The following CYP26C1 variants were observed in gnomAD, a reference collection of about 807,000 sequenced individuals.
The protein encoded by CYP26C1 is cytochrome P450 26C1.
CYP26C1 carries 41 observed loss-of-function variants against 39.1 expected under a neutral mutation model. That is an observed-to-expected ratio of 1.05 (90% CI 0.82 to 1.36). The LOEUF (loss-of-function observed/expected upper bound fraction) is 1.36, where lower values mean the gene tolerates loss of function less well. Ranked by LOEUF, CYP26C1 falls within the 40% of genes most tolerant of loss-of-function variation. The pLI is 0.00. For synonymous variants in CYP26C1, 362 were observed against 350.8 expected (o/e 1.03, Z -0.36); for missense variants, 833 against 752.0 (o/e 1.11, Z -1.26).
intron 5 of CYP26C1, among the ~76,000 whole-genome samples, chr10:93,068,011 G>T (rs1846848292): frequency 1.3e-5 from 2 of 152,184 alleles, no homozygotes; most frequent in Non-Finnish European, 1.5e-5. Flanking sequence ...AATAGTTACC[G>T]TTTACTGAAC....
At chr10:93,065,155 A>G (rs1355847632) in intron 4 of CYP26C1, among the ~76,000 whole-genome samples, 1 of 152,134 alleles carries the variant, frequency 6.6e-6, no homozygotes, top group Admixed American at 6.5e-5. Flanking sequence ...GGAGTGGAGA[A>G]GTTAGGGGGA....
chr10:93,062,326 A>C, intron 2 of CYP26C1, 92 bp downstream of exon 2: 2 of 1,316,378 alleles, frequency 1.5e-6, no homozygotes, highest in Non-Finnish European at 2.0e-6. Flanking sequence ...TGTTGGATAC[A>C]CTGTGAACCC....
Position 93,062,744 on chromosome 10 carries a change from GC to G in CYP26C1, c.456del (p.Ala153ArgfsTer117). ...RKVLARVFSR[A>X]ALERYVPRLQ... is the part of the protein sequence containing the mutation. ...GGTCCTGGCGCGCGTGTTCAGCCGC[GC>G]CGCGCTGGAGCGCTACGTGCCGCGC... On this transcript the variant is annotated frameshift_variant, in exon 3 of 6. Transcript: ENST00000651965. LOFTEE classifies it high-confidence loss of function. 1 of 1,444,684 alleles carries G rather than the reference GC, an allele frequency of 6.9e-7. No individual in the cohort carries two copies. Among genetic ancestry groups the G allele is most frequent in the Non-Finnish European group, 9.0e-7 (1 of 1,110,006 alleles). The allele number at this position is 1,444,684 out of a possible 1,614,324, so 89.5% of individuals were successfully genotyped here.
chr10:93,068,600 C>T lies in CYP26C1; in HGVS notation c.1472C>T (p.Ala491Val). The change falls in exon 6 of 6, where the codon GCC becomes GTC. Residue 491 changes from alanine to valine, a missense_variant. Ala to Val is a moderately conservative substitution (Grantham distance 64, BLOSUM62 0). Coordinates refer to ENST00000651965, the MANE Select transcript of CYP26C1 (RefSeq NM_183374.3). ...RWELATPAFP[A>V]MQTVPIVHPV... ...GAACTGGCCACACCCGCCTTCCCCG[C>T]CATGCAGACGGTGCCCATCGTGCAC... The T allele has an allele frequency of 6.3e-7, 1 of 1,599,588 alleles. No individual in the cohort carries two copies. The highest frequency in any genetic ancestry group is 1.8e-4 in the Middle Eastern group (1 of 5,668).
At position 93,066,191 on chromosome 10, in the gene CYP26C1, T is replaced by G; in HGVS notation, c.1097T>G (p.Leu366Arg). The G allele has an allele frequency of 2.0e-6, 3 of 1,465,978 alleles. No homozygotes were observed. The highest frequency in any genetic ancestry group is 2.7e-6 in the Non-Finnish European group (3 of 1,110,300). The allele number at this position is 1,465,978 out of a possible 1,614,324, so 90.8% of individuals were successfully genotyped here. A position where few individuals can be genotyped will look rare whatever the true frequency, so the allele number is the denominator to read the frequency against. Residue 366 changes from leucine (L) to arginine (R), a missense_variant, in exon 5 of 6, where the codon CTG (leucine) becomes CGG (arginine). Physicochemically the swap from Leu to Arg is moderately radical, Grantham distance 102. Coordinates refer to ENST00000651965, the MANE Select transcript of CYP26C1 (RefSeq NM_183374.3). ...PDLSLAALGR[L>R]RYVDCVVKEV... ...CTCAGCCTCGCGGCGCTGGGCCGTC[T>G]GCGCTACGTCGACTGCGTGGTCAAG...
At chr10:93,068,144 T>G (rs1052706882) in intron 5 of CYP26C1, among the ~76,000 whole-genome samples, 176 bp from the exon 6 acceptor site, 3 of 152,210 alleles carry the variant, frequency 2.0e-5, no homozygotes, top group African/African-American at 7.2e-5. Context: ...GGTCATACAT[T>G]TCACCAGTGA....
At chr10:93,064,218 C>A in intron 3 of CYP26C1, 163 bp from the exon 4 acceptor site, 2 of 1,423,286 alleles carry the variant, frequency 1.4e-6, no homozygotes, top group South Asian at 3.1e-5. Flanking sequence ...ATATCCCCGA[C>A]CATTTACTGA....
rs141758287 is a variant in CYP26C1, at chr10:93,060,849, G to T, written c.-415G>T. ...GGTGGGGCGGGGGTCTGCAGACCAGGTTGGCAACACTGGTGAGTTGCTCTT... is the reference window on the plus strand; with the variant it reads ...GGTGGGGCGGGGGTCTGCAGACCAGTTTGGCAACACTGGTGAGTTGCTCTT... On this transcript the variant is annotated 5_prime_UTR_variant, in exon 1 of 6. Coordinates refer to ENST00000651965, the MANE Select transcript of CYP26C1 (RefSeq NM_183374.3). 0.012 allele frequency: 2,580 copies of T among 222,134 alleles called. 77 individuals carry two copies. Among genetic ancestry groups the T allele is most frequent in the African/African-American group, 0.057 (2,437 of 42,614 alleles). The allele number at this position is 222,134 out of a possible 1,614,324, so 13.8% of individuals were successfully genotyped here.
At chr10:93,065,390 G>T (rs555537020) in intron 4 of CYP26C1, among the ~76,000 whole-genome samples, 1 of 152,346 alleles carries the variant, frequency 6.6e-6, no homozygotes, top group South Asian at 2.1e-4. Flanking sequence ...CATTCCGATA[G>T]GGAGAGGATG....
intron 4 of CYP26C1, 64 bp from the exon 5 acceptor site, chr10:93,065,892 T>G (rs1198634290): frequency 7.0e-7 from 1 of 1,430,082 alleles, no homozygotes; most frequent in African/African-American, 1.5e-5. Flanking sequence ...CACGGGGCCG[T>G]CGGGTCAGCG....
Position 93,062,238 on chromosome 10 carries a change from A to T in CYP26C1, c.429+4A>T. ...GCCGCACCGGCGGCGGCGCAAGGTG[A>T]GTGGAAACGGGAATGGACCGTAGAT... is the stretch of plus-strand genomic sequence containing the variant. On this transcript the variant is annotated splice_donor_region_variant and intron_variant, in intron 2 of 5. Transcript: ENST00000651965. 6.6e-7 allele frequency: 1 copy of T among 1,521,270 alleles called. No homozygotes were observed. Among genetic ancestry groups the T allele is most frequent in the Non-Finnish European group, 8.8e-7 (1 of 1,139,060 alleles). 94.2% of individuals were successfully genotyped at this position (1,521,270 alleles called of 1,614,324 possible).
rs752339997 is a variant in CYP26C1, at chr10:93,062,924, C to A, written c.634C>A (p.Arg212=). ...LDEAQCATLA[R]TFEQLVENLF... ...CGAGGCGCAGTGCGCCACGCTGGCC[C>A]GGACCTTCGAGCAGCTCGTGGAGAA... The change falls in exon 3 of 6, where the codon CGG becomes AGG. Residue 212 remains arginine, a synonymous_variant. Coordinates refer to ENST00000651965, the MANE Select transcript of CYP26C1 (RefSeq NM_183374.3). 9.3e-6 allele frequency: 15 copies of A among 1,605,896 alleles called. No individual in the cohort carries two copies. The highest frequency in any genetic ancestry group is 1.2e-5 in the Non-Finnish European group (14 of 1,178,774).
rs1490893366 is a variant in CYP26C1 at position 93,061,286 on chromosome 10, G to T, written c.23G>T (p.Cys8Phe). The T allele has an allele frequency of 2.5e-6, 4 of 1,591,010 alleles. No individual in the cohort carries two copies. In the African/African-American group the frequency reaches 4.0e-5, roughly 16 times the overall value. ...ATCATGTTCCCTTGGGGGCTGAGCT[G>T]CCTGTCAGTGCTGGGGGCGGCGGGC... MFPWGLS[C>F]LSVLGAAGTA... The change falls in exon 1 of 6, where the codon TGC becomes TTC. Residue 8 changes from cysteine to phenylalanine, a missense_variant. By Grantham distance (205) the Cys-to-Phe change is radical. Transcript: ENST00000651965.
chr10:93,061,527 G>C (rs1590134616), intron 1 of CYP26C1, 60 bp downstream of exon 1: 1 of 1,533,196 alleles, frequency 6.5e-7, no homozygotes. Flanking sequence ...GCTCCCACTG[G>C]ACCCTCCTCA....
Position 93,062,144 on chromosome 10 carries a change from G to A in CYP26C1, c.339G>A (p.Val113=). The A allele has an allele frequency of 6.5e-7, 1 of 1,544,462 alleles. No homozygotes were observed. Among genetic ancestry groups the A allele is most frequent in the Non-Finnish European group, 8.7e-7 (1 of 1,147,394 alleles). The part of the protein sequence containing the change: ...RTILLGEHRL[V]RSQWPQSAHI... The stretch of plus-strand genomic sequence containing the variant: ...TCCTGCTGGGCGAGCACCGCCTGGT[G>A]CGCAGCCAGTGGCCGCAGAGTGCGC... Residue 113 remains valine, a synonymous_variant, in exon 2 of 6, where the codon GTG becomes GTA. Coordinates refer to ENST00000651965, the MANE Select transcript of CYP26C1 (RefSeq NM_183374.3).
At chr10:93,063,199 A>G in intron 3 of CYP26C1, 1 of 1,299,052 alleles carries the variant, frequency 7.7e-7, no homozygotes, top group Non-Finnish European at 9.7e-7. Flanking sequence ...CGCTGGTGTG[A>G]CCTGGGGCTG....
chr10:93,061,878 A>T, intron 1 of CYP26C1, 132 bp from the exon 2 acceptor site: 1 of 834,204 alleles, frequency 1.2e-6, no homozygotes, highest in Non-Finnish European at 1.9e-6. Context: ...TACCAGGCCC[A>T]CTGGGGATCT....
Position 93,062,207 on chromosome 10 carries a change from C to A in CYP26C1, c.402C>A (p.Val134=). 1 of 1,524,790 alleles carries A rather than the reference C, an allele frequency of 6.6e-7. No individual in the cohort carries two copies. Among genetic ancestry groups the A allele is most frequent in the South Asian group, 1.2e-5 (1 of 83,284 alleles). 94.5% of individuals were successfully genotyped at this position (1,524,790 alleles called of 1,614,324 possible). Residue 134 remains valine (V), a synonymous_variant, in exon 2 of 6, where the codon GTC becomes GTA. Transcript: ENST00000651965. The part of the protein sequence containing the change: ...LLGSHTLLGA[V]GEPHRRRRKV... ...GCTCGCACACACTGCTAGGTGCGGT[C>A]GGCGAGCCGCACCGGCGGCGGCGCA...
rs1252604669 is a variant in CYP26C1 at position 93,068,994 on chromosome 10, C to T, written c.*297C>T. On this transcript the variant is annotated 3_prime_UTR_variant, in exon 6 of 6. Coordinates refer to ENST00000651965, the MANE Select transcript of CYP26C1 (RefSeq NM_183374.3). ...AATGGAGGGAATAGATAGATCCCCA[C>T]GAGGTGCTGCTTGGCTTCCCCTTCC... 3 of 338,484 alleles carry T rather than the reference C, an allele frequency of 8.9e-6. No individual in the cohort carries two copies. Among genetic ancestry groups the T allele is most frequent in the Admixed American group, 5.0e-5 (1 of 19,910 alleles). The allele number at this position is 338,484 out of a possible 1,614,324, so 21.0% of individuals were successfully genotyped here.
Sources: gnomAD v4.1 joint callset for allele counts (sites outside exome capture counted in the v4.1 genomes callset) on GRCh38, gnomAD v4.1.1 for gene constraint, MANE v1.5 for transcripts, NCBI Gene and HGNC (gene_info 2026-07-23, HGNC 2026-07-21) for gene names.